Variants in ADAT2 observed in about 807,000 individuals in gnomAD.
ADAT2 encodes adenosine deaminase tRNA specific 2.
A neutral mutation model predicts 25.9 loss-of-function variants in ADAT2; 26 were observed. The ratio of observed to expected loss-of-function variants is 1.00; its 90% CI spans 0.74 to 1.39. The LOEUF is 1.39. Ranked by LOEUF, ADAT2 falls within the 40% of genes most tolerant of loss-of-function variation. ADAT2 has a pLI of 0.00. For synonymous variants in ADAT2, 76 were observed against 86.8 expected (o/e 0.88, Z 0.69); for missense variants, 220 against 244.8 (o/e 0.90, Z 0.68).
In ADAT2 at chr6:143,432,717, A is replaced by C; in HGVS notation, c.353-106T>G. ...CATCCTGGAGAGGAACGCTCATGCT[A>C]CTCTTCAAACCAGTGAAGCTTAGGA... On this transcript the variant is annotated intron_variant, in intron 3 of 5. Coordinates refer to ENST00000237283, the MANE Select transcript of ADAT2 (RefSeq NM_182503.3). The surrounding 1 kb of genome is among the most constrained non-coding windows in gnomAD (Gnocchi z 4.4). 1 of 1,006,670 alleles carries C rather than the reference A, an allele frequency of 9.9e-7. No homozygotes were observed. 62.4% of individuals were successfully genotyped at this position (1,006,670 alleles called of 1,614,324 possible).
intron 1 of ADAT2, among the ~76,000 whole-genome samples, chr6:143,445,565 T>C (rs975821219): frequency 6.6e-5 from 10 of 152,198 alleles, no homozygotes; most frequent in Non-Finnish European, 1.2e-4. Flanking sequence ...AGGAATTCTA[T>C]CATTTATCTC....
chr6:143,440,525 T>C lies in ADAT2; in HGVS notation c.97-1831A>G, dbSNP rs961363178. The stretch of plus-strand genomic sequence containing the variant: ...TGGTTGGTGGGTCAGAGATGGGGCA[T>C]GGAGAGATGTGAGAAGACAGTATCT... On this transcript the variant is annotated intron_variant, in intron 1 of 5. Coordinates refer to ENST00000237283, the MANE Select transcript of ADAT2 (RefSeq NM_182503.3). This position sits in a 1 kb window ranked among gnomAD's most constrained non-coding sequence, Gnocchi z 4.5. 6.6e-6 allele frequency among the ~76,000 whole-genome samples: 1 copy of C among 152,084 alleles called. No homozygotes were observed. Among genetic ancestry groups the C allele is most frequent in the East Asian group, 1.9e-4 (1 of 5,188 alleles).
At chr6:143,431,616 T>C (rs1295089635) in intron 4 of ADAT2, among the ~76,000 whole-genome samples, 1 of 152,242 alleles carries the variant, frequency 6.6e-6, no homozygotes, top group Non-Finnish European at 1.5e-5. Flanking sequence ...GGAAAGCTAA[T>C]GTTGAGCTAG....
rs1779598526 is a variant in ADAT2, at chr6:143,446,283, T to C, written c.96+4280A>G. Among the ~76,000 whole-genome samples the C allele has an allele frequency of 6.6e-6, 1 of 152,122 alleles. No homozygotes were observed. The highest frequency in any genetic ancestry group is 1.5e-5 in the Non-Finnish European group (1 of 68,026). On this transcript the variant is annotated intron_variant, in intron 1 of 5. Transcript: ENST00000237283. This position sits in a 1 kb window ranked among gnomAD's most constrained non-coding sequence, Gnocchi z 5.0. ...AATGTATTGTTAACCTTTCCCTATA[T>C]TGGGTAATATTTTTTCATCACATGA...
chr6:143,438,532 C>T (rs1397410738), intron 2 of ADAT2, 58 bp downstream of exon 2: 60 of 1,372,340 alleles, frequency 4.4e-5, no homozygotes, highest in Non-Finnish European at 5.6e-5. Context: ...GTGGTAAATT[C>T]TCTCCAGTCC....
chr6:143,428,192 C>T lies in ADAT2; in HGVS notation c.*271G>A, dbSNP rs966699484. 12 of 493,538 alleles carry T rather than the reference C, an allele frequency of 2.4e-5. No homozygotes were observed. Among genetic ancestry groups the T allele is most frequent in the Non-Finnish European group, 3.6e-5 (10 of 276,832 alleles). 30.6% of individuals were successfully genotyped at this position (493,538 alleles called of 1,614,324 possible). ...GGGCACTTGTGGCTAGAAGGGTATG[C>T]ACTACTTGCTAATTTCTAAAACCTC... On this transcript the variant is annotated 3_prime_UTR_variant, in exon 6 of 6. Coordinates refer to ENST00000237283, the MANE Select transcript of ADAT2 (RefSeq NM_182503.3). This position sits in a 1 kb window ranked among gnomAD's most constrained non-coding sequence, Gnocchi z 5.0.
Position 143,428,441 on chromosome 6 carries a change from T to C in ADAT2, c.*22A>G. 1.2e-6 allele frequency: 2 copies of C among 1,612,028 alleles called. No individual in the cohort carries two copies. Among genetic ancestry groups the C allele is most frequent in the Non-Finnish European group, 1.7e-6 (2 of 1,179,562 alleles). On this transcript the variant is annotated 3_prime_UTR_variant, in exon 6 of 6. Transcript: ENST00000237283. This position sits in a 1 kb window ranked among gnomAD's most constrained non-coding sequence, Gnocchi z 5.0. ...CTTGTCCAGGTCACTTTGGGTCACT[T>C]GGTTCTTTCATCAGAACATGTTCAA...
chr6:143,429,233 C>A (rs1779037334), intron 4 of ADAT2, among the ~76,000 whole-genome samples: 1 of 152,024 alleles, frequency 6.6e-6, no homozygotes, highest in African/African-American at 2.4e-5. Context: ...GTTTTTATAT[C>A]TTAAAAGCTT....
At position 143,433,906 on chromosome 6, in the gene ADAT2, C is replaced by T. The variant is rs768816629; in HGVS notation, c.277G>A (p.Glu93Lys). ...WCRQSGKSPS[E>K]VFEHTVLYVT... is the part of the protein sequence containing the mutation. ...TACAACACAGTGTGTTCAAATACTT[C>T]AGAGGGACTCTTGCCACTTTGACGA... The change falls in exon 3 of 6, where the codon GAA becomes AAA. Residue 93 changes from glutamate (E) to lysine (K), a missense_variant. Glu to Lys is a moderately conservative substitution (Grantham distance 56). Coordinates refer to ENST00000237283, the MANE Select transcript of ADAT2 (RefSeq NM_182503.3). 3.1e-6 allele frequency: 5 copies of T among 1,614,152 alleles called. No individual in the cohort carries two copies. The highest frequency in any genetic ancestry group is 4.2e-6 in the Non-Finnish European group (5 of 1,180,024).
intron 4 of ADAT2, among the ~76,000 whole-genome samples, chr6:143,429,389 T>C (rs1779043081): frequency 6.6e-6 from 1 of 152,232 alleles, no homozygotes; most frequent in Non-Finnish European, 1.5e-5. Flanking sequence ...GTTCTATCTT[T>C]AGCATCTAAC....
chr6:143,433,791 C>T (rs373394418), intron 3 of ADAT2, 40 bp downstream of exon 3: 94 of 1,565,620 alleles, frequency 6.0e-5, no homozygotes, highest in Middle Eastern at 5.1e-4. Flanking sequence ...CTTGTTCACA[C>T]GAATGGTACG....
chr6:143,440,632 G>C lies in ADAT2; in HGVS notation c.97-1938C>G, dbSNP rs139226673. On this transcript the variant is annotated intron_variant, in intron 1 of 5. Coordinates refer to ENST00000237283, the MANE Select transcript of ADAT2 (RefSeq NM_182503.3). The surrounding 1 kb of genome is among the most constrained non-coding windows in gnomAD (Gnocchi z 4.5). The stretch of plus-strand genomic sequence containing the variant: ...TCCCAGTTCTGTGACAGTGGTTAAA[G>C]CATGTCCAGTTTATGCAAGTTCAAA... Among the ~76,000 whole-genome samples the C allele has an allele frequency of 3.4e-4, 51 of 152,158 alleles. 1 individual carries two copies.
chr6:143,443,633 C>A (rs1779522014), intron 1 of ADAT2, among the ~76,000 whole-genome samples: 1 of 152,012 alleles, frequency 6.6e-6, no homozygotes, highest in South Asian at 2.1e-4. Flanking sequence ...GAGTTTGAGA[C>A]CAGCCTGGCC....
At position 143,428,935 on chromosome 6, in the gene ADAT2, A is replaced by G. The variant is rs1283498150; in HGVS notation, c.460-251T>C. 2.0e-5 allele frequency among the ~76,000 whole-genome samples: 3 copies of G among 152,240 alleles called. No individual in the cohort carries two copies. The highest frequency in any genetic ancestry group is 7.2e-5 in the African/African-American group (3 of 41,466). On this transcript the variant is annotated intron_variant, in intron 4 of 5. Transcript: ENST00000237283. This position sits in a 1 kb window ranked among gnomAD's most constrained non-coding sequence, Gnocchi z 5.0. ...CTGTTATTCATCCATTAACTATTAT[A>G]GAAGTTACCAGCTTTGTGATCTTGG...
At chr6:143,435,603 T>C (rs1401493695) in intron 2 of ADAT2, among the ~76,000 whole-genome samples, 1 of 152,146 alleles carries the variant, frequency 6.6e-6, no homozygotes, top group Non-Finnish European at 1.5e-5. Flanking sequence ...AAAATGCAAA[T>C]TGGAAAATTT....
chr6:143,448,982 C>T (rs780896310), intron 1 of ADAT2, among the ~76,000 whole-genome samples: 43 of 152,290 alleles, frequency 2.8e-4, no homozygotes, highest in African/African-American at 6.3e-4. Context: ...TTATATGCTA[C>T]GGTTATTAAA....
At chr6:143,433,729 C>G (rs1779182932) in intron 3 of ADAT2, 102 bp downstream of exon 3, 1 of 1,249,372 alleles carries the variant, frequency 8.0e-7, no homozygotes, top group African/African-American at 1.5e-5. Context: ...AAGGTGTTTC[C>G]TAAGTCTGTG....
rs1183884754 is a variant in ADAT2 at position 143,423,209 on chromosome 6, T to G, written c.*5254A>C. ...GAGTCGCATGGTTTGTCACCACTGCTCAACTCTGCCATTGTAGCACACGAG... is the reference window on the plus strand; with the variant it reads ...GAGTCGCATGGTTTGTCACCACTGCGCAACTCTGCCATTGTAGCACACGAG... On this transcript the variant is annotated 3_prime_UTR_variant, in exon 6 of 6. Coordinates refer to ENST00000237283, the MANE Select transcript of ADAT2 (RefSeq NM_182503.3). The G allele has an allele frequency of 6.6e-6, 1 of 152,242 alleles. No individual in the cohort carries two copies. The highest frequency in any genetic ancestry group is 1.9e-4 in the East Asian group (1 of 5,202). The allele number at this position is 152,242 out of a possible 1,614,324, so 9.4% of individuals were successfully genotyped here. A position where few individuals can be genotyped will look rare whatever the true frequency, so the allele number is the denominator to read the frequency against.
At chr6:143,430,253 C>T (rs1779067452) in intron 4 of ADAT2, among the ~76,000 whole-genome samples, 1 of 152,222 alleles carries the variant, frequency 6.6e-6, no homozygotes, top group Non-Finnish European at 1.5e-5. Flanking sequence ...ACTCAGAGCC[C>T]TCTCCTCTTA....
Sources: gnomAD v4.1 joint callset for allele counts (sites outside exome capture counted in the v4.1 genomes callset) on GRCh38, gnomAD v4.1.1 for gene constraint, Gnocchi (gnomAD v3.1) non-coding constraint, MANE v1.5 for transcripts, NCBI Gene and HGNC (gene_info 2026-07-23, HGNC 2026-07-21) for gene names.